Variants in HELZ2 observed in about 807,000 individuals in gnomAD.
HELZ2 encodes helicase with zinc finger 2.
HELZ2 carries 143 observed loss-of-function variants against 208.8 expected under a neutral mutation model. The ratio of observed to expected loss-of-function variants is 0.68; its 90% CI spans 0.60 to 0.79. The LOEUF is 0.79. HELZ2 is among the 30% of genes least tolerant of loss of function. HELZ2 has a pLI of 0.00. For synonymous variants in HELZ2, 1,705 were observed against 1,693.7 expected, an observed-to-expected ratio of 1.01 and a Z score of -0.16; for missense variants, 3,690 against 3,794.5, an observed-to-expected ratio of 0.97 and a Z score of 0.72.
chr20:63,570,324 CCT>C (rs746266637), intron 3 of HELZ2, 178 bp downstream of exon 4: 194 of 714,424 alleles, frequency 2.7e-4, no homozygotes, highest in African/African-American at 8.4e-4. Context: ...GTCCTGGCCC[CCT>C]GTCTCTAGGT....
exon 8 of HELZ2, chr20:63,564,675 C>A: frequency 6.3e-7 from 1 of 1,585,636 alleles, no homozygotes; most frequent in East Asian, 2.3e-5. Flanking sequence ...TCCAGCACCC[C>A]GTCCCTGGGC....
intron 8 of HELZ2, 28 bp downstream of exon 9, chr20:63,562,492 C>T: frequency 6.5e-7 from 1 of 1,542,774 alleles, no homozygotes; most frequent in Non-Finnish European, 8.7e-7. Flanking sequence ...GTCCCCCAGC[C>T]CAGCCTCTGC....
chr20:63,569,551 G>A (rs2082998191), exon 4 of HELZ2: 1 of 1,602,980 alleles, frequency 6.2e-7, no homozygotes, highest in East Asian at 2.3e-5. Context: ...GTGGAGCTGG[G>A]CACACGGAAG....
In HELZ2 at chr20:63,568,950, C is replaced by T. The variant is rs1343355618; in HGVS notation, c.1138G>A (p.Ala380Thr). The T allele has an allele frequency of 3.1e-6, 5 of 1,605,936 alleles. No individual in the cohort carries two copies. The African/African-American group carries it at 6.7e-5, about 21-fold the overall frequency. ...GGAGGCGCGAAGAGCATGTTCAGCG[C>T]TGGCGTCTGCAATGCCGTCTTCAGG... The change falls in exon 5 of 19, where the codon GCG (alanine) becomes ACG (threonine). Residue 380 changes from alanine (A) to threonine (T), a missense_variant. Physicochemically the swap from Ala to Thr is moderately conservative, Grantham distance 58. Around this residue, in one of 3 missense-constraint regions of HELZ2, gnomAD observed 1,119 missense variants for 1,193.4 expected, o/e 0.94. Coordinates refer to ENST00000467148, the Ensembl canonical transcript of HELZ2.
exon 8 of HELZ2, chr20:63,562,835 T>C (rs1382812353): frequency 2.9e-5 from 47 of 1,610,142 alleles, no homozygotes; most frequent in Non-Finnish European, 3.4e-5. Context: ...GGCACAGTTC[T>C]CCTCGAGGAA....
At chr20:63,566,309 G>A (rs577278071) in intron 7 of HELZ2, 69 bp downstream of exon 8, 2 of 1,514,234 alleles carry the variant, frequency 1.3e-6, no homozygotes, top group East Asian at 4.9e-5. Context: ...ATGCCAGGCT[G>A]AGGAGTGGGC....
exon 8 of HELZ2, chr20:63,563,755 C>T (rs2082915698): frequency 1.2e-6 from 2 of 1,601,928 alleles, no homozygotes; most frequent in Non-Finnish European, 1.7e-6. Flanking sequence ...GGCCCAGCGC[C>T]AGCAGGATCT....
exon 6 of HELZ2, chr20:63,567,351 C>G: frequency 6.2e-7 from 1 of 1,604,320 alleles, no homozygotes; most frequent in Non-Finnish European, 8.5e-7. Flanking sequence ...GCATCTGGGC[C>G]GCCTCATCGA....
chr20:63,565,752 C>G (rs547702549), exon 8 of HELZ2: 1 of 1,602,268 alleles, frequency 6.2e-7, no homozygotes, highest in Non-Finnish European at 8.5e-7. Flanking sequence ...CCTGCTGGTG[C>G]TGCCGCAGCC....
chr20:63,572,514 G>A, upstream of HELZ2: 1 of 1,034,526 alleles, frequency 9.7e-7, no homozygotes, highest in East Asian at 2.7e-5. Context: ...ACAAACTGTT[G>A]CTTGCGGCGG....
rs767746863 is a variant in HELZ2, at chr20:63,570,677, C to T, written c.462+8G>A. 2.5e-6 allele frequency: 4 copies of T among 1,576,292 alleles called. No homozygotes were observed. The highest frequency in any genetic ancestry group is 3.5e-6 in the Non-Finnish European group (4 of 1,152,632). On this transcript the variant is annotated splice_region_variant and intron_variant, in intron 2 of 18. Coordinates refer to ENST00000467148, the Ensembl canonical transcript of HELZ2. ...ACCCCACCCCACCCACTCCCAGGGC[C>T]CACTTACCACAAGGACCTCACTGCT...
chr20:63,569,179 C>T, exon 4 of HELZ2: 2 of 1,550,630 alleles, frequency 1.3e-6, no homozygotes, highest in Non-Finnish European at 1.7e-6. Flanking sequence ...GCCGCCTCCT[C>T]CTCATAGAGA....
At position 63,565,866 on chromosome 20, in the gene HELZ2, C is replaced by A; in HGVS notation, c.2956G>T (p.Glu986Ter). The change falls in exon 8 of 19, where the codon GAG (glutamate) becomes TAG (stop). Residue 986 changes from glutamate to a stop codon, truncating the protein, a stop_gained. Coordinates refer to ENST00000467148, the Ensembl canonical transcript of HELZ2. LOFTEE classifies it high-confidence loss of function. ...GCCGTCACCACAGCCGCCTGCTCCT[C>A]GGCCAGGTCCCCTACTGGCTCTGGG... 1.9e-6 allele frequency: 3 copies of A among 1,597,698 alleles called. No individual in the cohort carries two copies. The highest frequency in any genetic ancestry group is 2.5e-6 in the Non-Finnish European group (3 of 1,178,962).
At chr20:63,565,951 C>T (rs1173139359) in exon 8 of HELZ2, 1 of 1,599,076 alleles carries the variant, frequency 6.3e-7, no homozygotes, top group South Asian at 1.1e-5. Context: ...AGCGCCGTCT[C>T]TGCGCCACAC....
At chr20:63,561,404 G>T in exon 13 of HELZ2, 2 of 1,612,968 alleles carry the variant, frequency 1.2e-6, no homozygotes, top group Non-Finnish European at 8.5e-7. Context: ...GGTGTCAAAG[G>T]CCTTGATTTC....
chr20:63,566,806 G>C, intron 6 of HELZ2, 38 bp downstream of exon 7: 1 of 1,538,310 alleles, frequency 6.5e-7, no homozygotes, highest in Non-Finnish European at 8.8e-7. Context: ...CCCCAGCAGG[G>C]GTGCGGTCGG....
At chr20:63,562,647 G>T (rs143745174) in exon 8 of HELZ2, 2 of 1,594,876 alleles carry the variant, frequency 1.3e-6, no homozygotes, top group Non-Finnish European at 1.7e-6. Context: ...GCCTCCTGCC[G>T]GTCTGCCCGG....
chr20:63,565,353 C>G, exon 8 of HELZ2: 1 of 1,607,570 alleles, frequency 6.2e-7, no homozygotes, highest in South Asian at 1.1e-5. Flanking sequence ...CGGCCCCTGA[C>G]CTGGATGGGG....
chr20:63,562,762 G>A, exon 8 of HELZ2: 1 of 1,603,954 alleles, frequency 6.2e-7, no homozygotes, highest in Non-Finnish European at 8.5e-7. Context: ...GGCGTGGGCT[G>A]GCCGTGGGAG....
Sources: gnomAD v4.1 joint callset for allele counts on GRCh38, gnomAD v4.1.1 for gene constraint, gnomAD v4.1.1 regional missense constraint, MANE v1.5 for transcripts, NCBI Gene and HGNC (gene_info 2026-07-23, HGNC 2026-07-21) for gene names.